Variants in CDH4 observed in about 807,000 individuals in gnomAD.
CDH4 encodes the protein cadherin-4.
CDH4 carries 33 observed loss-of-function variants against 86.0 expected under a neutral mutation model. The ratio of observed to expected loss-of-function variants is 0.38; its 90% CI spans 0.29 to 0.51. CDH4 has a LOEUF of 0.51. Ranked by LOEUF, CDH4 falls within the 20% of genes least tolerant of loss-of-function variation. The pLI is 0.86. For missense variants in CDH4, 1,114 were observed against 1,307.4 expected (o/e 0.85, Z 2.28); for synonymous variants, 555 against 549.4 (o/e 1.01, Z -0.14).
intron 2 of CDH4, among the ~76,000 whole-genome samples, chr20:61,733,300 G>A (rs968112462): frequency 7.9e-5 from 12 of 152,192 alleles, no homozygotes; most frequent in South Asian, 4.2e-4. Flanking sequence ...TGTGGTCCAC[G>A]CCCACCAGGT....
intron 2 of CDH4, among the ~76,000 whole-genome samples, chr20:61,563,814 G>A (rs530508294): frequency 5.3e-5 from 8 of 152,148 alleles, no homozygotes; most frequent in African/African-American, 7.2e-5. Context: ...CATAGGGTGC[G>A]TTATATTCTG....
chr20:61,415,819 C>T lies in CDH4; in HGVS notation c.169+160882C>T, dbSNP rs993455512. The stretch of plus-strand genomic sequence containing the variant: ...GGTTCAAGCAATTCTTGTGTCTTAG[C>T]CTCCCGAGTAGCTGGGATTACAGGT... On this transcript the variant is annotated intron_variant, in intron 2 of 15. Transcript: ENST00000614565. Among the ~76,000 whole-genome samples, 3 of 152,062 alleles carry T rather than the reference C, an allele frequency of 2.0e-5. No homozygotes were observed. In the East Asian group the frequency reaches 5.8e-4, roughly 29 times the overall value.
chr20:61,534,661 CTTTCTTTT>C (rs2085981798), intron 2 of CDH4, among the ~76,000 whole-genome samples: 1 of 89,302 alleles, frequency 1.1e-5, no homozygotes, highest in African/African-American at 7.6e-5. Flanking sequence ...TTCTTTCTTT[CTTTCTTTT>C]TTTTTTTTTT....
At chr20:61,649,576 G>A (rs1436210410) in intron 2 of CDH4, among the ~76,000 whole-genome samples, 1 of 152,178 alleles carries the variant, frequency 6.6e-6, no homozygotes, top group African/African-American at 2.4e-5. Flanking sequence ...AAGGAGCCCG[G>A]CACTGATGAC....
At chr20:61,690,297 G>A (rs1287452469) in intron 2 of CDH4, among the ~76,000 whole-genome samples, 1 of 152,156 alleles carries the variant, frequency 6.6e-6, no homozygotes, top group Non-Finnish European at 1.5e-5. Flanking sequence ...TGCTGTGACT[G>A]AGACCCGTGT....
chr20:61,826,977 G>A (rs796540397), intron 4 of CDH4, among the ~76,000 whole-genome samples: 5,117 of 65,050 alleles, frequency 0.079, 206 homozygotes, highest in East Asian at 0.2. Context: ...GTGTGTGTGT[G>A]TGTGTGTGTG....
At chr20:61,459,869 C>G (rs1474123029) in intron 2 of CDH4, among the ~76,000 whole-genome samples, 5 of 151,922 alleles carry the variant, frequency 3.3e-5, no homozygotes, top group Admixed American at 1.3e-4. Context: ...CACCCCAGGG[C>G]AGGAAAAGGG....
intron 2 of CDH4, among the ~76,000 whole-genome samples, chr20:61,454,069 T>G (rs1326997831): frequency 6.6e-6 from 1 of 152,212 alleles, no homozygotes; most frequent in African/African-American, 2.4e-5. Flanking sequence ...TTACCCAGTT[T>G]CGGTAGTTCT....
intron 2 of CDH4, among the ~76,000 whole-genome samples, chr20:61,351,231 A>G (rs2084710308): frequency 1.6e-5 from 1 of 61,412 alleles, no homozygotes; most frequent in Admixed American, 1.3e-4. Context: ...CCTGTACTGA[A>G]CATGGACAGA....
At chr20:61,705,493 A>G (rs758366534) in intron 2 of CDH4, among the ~76,000 whole-genome samples, 19 of 152,244 alleles carry the variant, frequency 1.2e-4, no homozygotes, top group Admixed American at 8.5e-4. Context: ...CCCAGTGGCC[A>G]TCTTCACAGT....
At chr20:61,715,479 A>G (rs930826365) in intron 2 of CDH4, among the ~76,000 whole-genome samples, 5 of 152,162 alleles carry the variant, frequency 3.3e-5, no homozygotes, top group Non-Finnish European at 1.5e-5. Context: ...TGGTGACCAG[A>G]GAGCTGACTC....
At position 61,903,684 on chromosome 20, in the gene CDH4, TCAAGA is replaced by T. The variant is rs11468579; in HGVS notation, c.1189-6733_1189-6729del. 6.5e-3 allele frequency among the ~76,000 whole-genome samples: 983 copies of T among 152,188 alleles called. 9 individuals are homozygous for T. The highest frequency in any genetic ancestry group is 0.022 in the African/African-American group (928 of 41,512). On this transcript the variant is annotated intron_variant, in intron 8 of 15. Transcript: ENST00000614565. ...AAACAAAAACCGTGAAGGTGACCTC[TCAAGA>T]CAAGCAGGGTATGGGGCCGAGAGGC... is the stretch of plus-strand genomic sequence containing the variant.
intron 2 of CDH4, among the ~76,000 whole-genome samples, chr20:61,632,578 G>A (rs1448758906): frequency 2.6e-5 from 4 of 151,938 alleles, no homozygotes; most frequent in African/African-American, 9.7e-5. Context: ...CTTTGTAGAG[G>A]CAGCCCCCAC....
intron 2 of CDH4, among the ~76,000 whole-genome samples, chr20:61,565,295 GTGGCGGTGCTCT>G (rs1261978207): frequency 3.2e-4 from 22 of 68,396 alleles, no homozygotes; most frequent in Admixed American, 3.8e-4. Flanking sequence ...GGTGATGGTG[GTGGCGGTGCTCT>G]TGGTGGTGGC....
chr20:61,776,441 A>G (rs557561339), intron 4 of CDH4, among the ~76,000 whole-genome samples: 73 of 152,294 alleles, frequency 4.8e-4, no homozygotes, highest in African/African-American at 1.7e-3. Flanking sequence ...AACCACCCCC[A>G]GCATCTCCGA....
intron 2 of CDH4, among the ~76,000 whole-genome samples, chr20:61,734,856 G>A (rs574204042): frequency 1.3e-5 from 2 of 152,364 alleles, no homozygotes; most frequent in South Asian, 2.1e-4. Context: ...ATCAACCTGG[G>A]CAGATATTCA....
In CDH4 at chr20:61,721,464, A is replaced by C. The variant is rs557960425; in HGVS notation, c.170-22099A>C. On this transcript the variant is annotated intron_variant, in intron 2 of 15. Coordinates refer to ENST00000614565, the MANE Select transcript of CDH4 (RefSeq NM_001794.5). ...TGTCTAAATCATCAGAAAAAAAATCATTTCTGGTTCATTGACCTTTCTGCA... is the reference window on the plus strand; with the variant it reads ...TGTCTAAATCATCAGAAAAAAAATCCTTTCTGGTTCATTGACCTTTCTGCA... 7.2e-5 allele frequency among the ~76,000 whole-genome samples: 11 copies of C among 152,262 alleles called. No individual in the cohort carries two copies. In the South Asian group the frequency reaches 2.1e-3, roughly 29 times the overall value.
At chr20:61,312,906 G>T (rs1286947834) in intron 2 of CDH4, among the ~76,000 whole-genome samples, 2 of 152,160 alleles carry the variant, frequency 1.3e-5, no homozygotes, top group African/African-American at 2.4e-5. Context: ...AAGCGAGCTT[G>T]CCTGGGATTG....
Position 61,681,571 on chromosome 20 carries a change from A to G in CDH4, c.170-61992A>G, listed in dbSNP as rs2087513118. Among the ~76,000 whole-genome samples, 2 of 152,174 alleles carry G rather than the reference A, an allele frequency of 1.3e-5. No homozygotes were observed. The highest frequency in any genetic ancestry group is 4.1e-4 in the South Asian group (2 of 4,832). On this transcript the variant is annotated intron_variant, in intron 2 of 15. Coordinates refer to ENST00000614565, the MANE Select transcript of CDH4 (RefSeq NM_001794.5). This position sits in a 1 kb window ranked among gnomAD's most constrained non-coding sequence, Gnocchi z 4.5. ...CTCCCGAACTCTTGTTCCAAGGGGT[A>G]GGAGAAAAAGGGGGCATCATCTAGC... is the stretch of plus-strand genomic sequence containing the variant.
Sources: allele counts gnomAD v4.1 joint callset (sites outside exome capture counted in the v4.1 genomes callset), GRCh38; gene constraint gnomAD v4.1.1; non-coding constraint Gnocchi (gnomAD v3.1); transcripts MANE v1.5; gene names NCBI Gene and HGNC (gene_info 2026-07-23, HGNC 2026-07-21).